The following SENP7 variants were observed in gnomAD, a reference collection of about 807,000 sequenced individuals.
The protein encoded by SENP7 is SUMO specific peptidase 7.
A neutral mutation model predicts 141.2 loss-of-function variants in SENP7; 64 were observed. That is an observed-to-expected ratio of 0.45 (90% confidence interval 0.37 to 0.56). The LOEUF (loss-of-function observed/expected upper bound fraction) is 0.56. SENP7 is among the 20% of genes least tolerant of loss of function. SENP7 has a pLI of 0.00. For missense variants in SENP7, 1,025 were observed against 1,212.2 expected (o/e 0.85, Z 2.29); for synonymous variants, 382 against 426.4 (o/e 0.90, Z 1.28).
rs377579284 is a variant in SENP7 at position 101,510,843 on chromosome 3, C to CAAAAAA, written c.40+2242_40+2247dup. On this transcript the variant is annotated intron_variant, in intron 1 of 23. Transcript: ENST00000394095. ...TGGGCAACAGAGCGAGACTCCATCT[C>CAAAAAA]AAAAAAAAAAAAAAAAAAAAGTCAC... Among the ~76,000 whole-genome samples, 237 of 78,332 alleles carry CAAAAAA rather than the reference C, an allele frequency of 3.0e-3. 16 individuals are homozygous for CAAAAAA. The highest frequency in any genetic ancestry group is 7.9e-3 in the Middle Eastern group (1 of 126). 51.4% of individuals were successfully genotyped at this position (78,332 alleles called of 152,430 possible). A position where few individuals can be genotyped will look rare whatever the true frequency, so the allele number is the denominator to read the frequency against.
intron 3 of SENP7, among the ~76,000 whole-genome samples, chr3:101,478,287 T>C (rs892623631): frequency 1.3e-5 from 2 of 152,134 alleles, no homozygotes; most frequent in Admixed American, 6.6e-5. Flanking sequence ...AAAGGCCAAG[T>C]TGGGAGGACT....
intron 3 of SENP7, among the ~76,000 whole-genome samples, chr3:101,490,507 T>C (rs1406288050): frequency 6.6e-6 from 1 of 152,124 alleles, no homozygotes; most frequent in African/African-American, 2.4e-5. Flanking sequence ...GACACAATGG[T>C]TGAGTCATAT....
rs1446565898 is a variant in SENP7 at position 101,451,711 on chromosome 3, C to T, written c.284+7244G>A. ...TAAATTAGGTATTGATGGGACGTATCTCAAAATAATAAGAGCTATCTATGA... is the reference window on the plus strand; with the variant it reads ...TAAATTAGGTATTGATGGGACGTATTTCAAAATAATAAGAGCTATCTATGA... On this transcript the variant is annotated intron_variant, in intron 4 of 23. Transcript: ENST00000394095. Among the ~76,000 whole-genome samples the T allele has an allele frequency of 1.4e-4, 22 of 152,244 alleles. No homozygotes were observed. The East Asian group carries it at 3.7e-3, about 25-fold the overall frequency.
Position 101,343,847 on chromosome 3 carries a change from A to G in SENP7, c.1945T>C (p.Leu649=). The G allele has an allele frequency of 1.2e-6, 2 of 1,613,900 alleles. No individual in the cohort carries two copies. The highest frequency in any genetic ancestry group is 1.7e-6 in the Non-Finnish European group (2 of 1,179,838). The stretch of plus-strand genomic sequence containing the variant: ...CAAGACAACGGGTAAGAAAGCTCTA[A>G]TTCTCCACTGATTATACTTATTTCC... ...MTEISIISGE[L]ELSYPLSWVQ... Residue 649 remains leucine, a synonymous_variant, in exon 14 of 24, where the codon TTA becomes CTA. Coordinates refer to ENST00000394095, the MANE Select transcript of SENP7 (RefSeq NM_020654.5).
At chr3:101,453,730 G>T (rs1263129758) in intron 4 of SENP7, among the ~76,000 whole-genome samples, 2 of 152,178 alleles carry the variant, frequency 1.3e-5, no homozygotes, top group East Asian at 1.9e-4. Context: ...GTGGGGGCAG[G>T]GGGGAGGAAT....
chr3:101,415,594 T>C (rs1470417621), intron 5 of SENP7, among the ~76,000 whole-genome samples: 1 of 152,184 alleles, frequency 6.6e-6, no homozygotes, highest in Non-Finnish European at 1.5e-5. Flanking sequence ...AACCTAGCAT[T>C]ACATACTTAG....
chr3:101,490,558 T>C (rs1444179528), intron 3 of SENP7, among the ~76,000 whole-genome samples: 3 of 152,082 alleles, frequency 2.0e-5, no homozygotes, highest in Non-Finnish European at 1.5e-5. Flanking sequence ...TAATTAAAAA[T>C]ATATTAAATT....
intron 9 of SENP7, among the ~76,000 whole-genome samples, chr3:101,365,934 C>G (rs2060027802): frequency 6.6e-6 from 1 of 152,122 alleles, no homozygotes; most frequent in Admixed American, 6.6e-5. Context: ...CTTTTAAGTC[C>G]TGTTACATGA....
intron 1 of SENP7, 128 bp downstream of exon 1, chr3:101,512,963 G>T (rs2065923848): frequency 2.0e-6 from 2 of 1,010,052 alleles, no homozygotes; most frequent in Non-Finnish European, 3.1e-6. Flanking sequence ...CATTGTGCGC[G>T]CCCCTTCCTC....
intron 3 of SENP7, among the ~76,000 whole-genome samples, chr3:101,459,479 C>A (rs2063477542): frequency 6.6e-6 from 1 of 152,110 alleles, no homozygotes. Flanking sequence ...AGCCGGACAC[C>A]TTATTGACAG....
chr3:101,452,559 C>T (rs1163194959), intron 4 of SENP7, among the ~76,000 whole-genome samples: 4 of 152,240 alleles, frequency 2.6e-5, no homozygotes, highest in South Asian at 2.1e-4. Flanking sequence ...CAAATAATGC[C>T]GCATAACTAC....
chr3:101,324,309 G>T lies in SENP7; in HGVS notation c.*1634C>A, dbSNP rs538707331. 1.3e-5 allele frequency: 2 copies of T among 151,948 alleles called. No homozygotes were observed. Among genetic ancestry groups the T allele is most frequent in the African/African-American group, 2.4e-5 (1 of 41,388 alleles). The allele number at this position is 151,948 out of a possible 1,614,324, so 9.4% of individuals were successfully genotyped here. ...GGAAATATGTTTAATATAAAACACT[G>T]ATATCCTCAAAACATTACTTGCACA... On this transcript the variant is annotated 3_prime_UTR_variant, in exon 24 of 24. Coordinates refer to ENST00000394095, the MANE Select transcript of SENP7 (RefSeq NM_020654.5).
intron 2 of SENP7, among the ~76,000 whole-genome samples, chr3:101,497,803 AAGAAT>A (rs756821142): frequency 4.6e-5 from 7 of 152,114 alleles, no homozygotes; most frequent in Non-Finnish European, 7.4e-5. Flanking sequence ...TGCCTTACAT[AAGAAT>A]TTTTATTTTT....
At chr3:101,439,734 GC>G (rs2062572496) in intron 4 of SENP7, among the ~76,000 whole-genome samples, 1 of 31,328 alleles carries the variant, frequency 3.2e-5, no homozygotes, top group Admixed American at 1.9e-4. Flanking sequence ...AGGGGGGTCA[GC>G]CCCCCGCCTG....
intron 4 of SENP7, among the ~76,000 whole-genome samples, chr3:101,455,118 T>G (rs1010096072): frequency 6.6e-5 from 10 of 152,258 alleles, no homozygotes; most frequent in African/African-American, 1.9e-4. Context: ...ATATGGAAAC[T>G]TTCCCCCTCC....
chr3:101,492,886 G>A (rs1405059945), intron 3 of SENP7, among the ~76,000 whole-genome samples: 1 of 152,136 alleles, frequency 6.6e-6, no homozygotes, highest in Non-Finnish European at 1.5e-5. Context: ...CAGCTACTCA[G>A]GAGGCTGGGC....
chr3:101,363,901 A>C (rs1305853844), intron 10 of SENP7, among the ~76,000 whole-genome samples: 2 of 152,236 alleles, frequency 1.3e-5, no homozygotes, highest in South Asian at 2.1e-4. Flanking sequence ...TCTTACAAAT[A>C]GAATAATCAC....
In SENP7 at chr3:101,327,734, C is replaced by T; in HGVS notation, c.2947G>A (p.Val983Ile). 6.2e-7 allele frequency: 1 copy of T among 1,612,178 alleles called. No individual in the cohort carries two copies. Among genetic ancestry groups the T allele is most frequent in the Non-Finnish European group, 8.5e-7 (1 of 1,178,854 alleles). ...KTNMVDLCPK[V>I]PKQDNSSDCG... The stretch of plus-strand genomic sequence containing the variant: ...TCACTGCTATTGTCCTGTTTAGGAA[C>T]TTTAGGGCATAGATCCACCATGTTT... Residue 983 changes from valine to isoleucine, a missense_variant, in exon 23 of 24, where the codon GTT becomes ATT. Transcript: ENST00000394095.
intron 2 of SENP7, among the ~76,000 whole-genome samples, chr3:101,499,223 G>A (rs865956141): frequency 6.6e-6 from 1 of 152,000 alleles, no homozygotes; most frequent in African/African-American, 2.4e-5. Flanking sequence ...TCTAATGGCA[G>A]GATTTCAGAT....
Sources: allele counts gnomAD v4.1 joint callset (sites outside exome capture counted in the v4.1 genomes callset), GRCh38; gene constraint gnomAD v4.1.1; transcripts MANE v1.5; gene names NCBI Gene and HGNC (gene_info 2026-07-23, HGNC 2026-07-21).